Variants in PLEKHM3 observed in about 807,000 individuals in gnomAD.
PLEKHM3 encodes pleckstrin homology domain containing M3, also known as pleckstrin homology domain-containing family M member 3.
A neutral mutation model predicts 81.8 loss-of-function variants in PLEKHM3; 45 were observed. That is an observed-to-expected ratio of 0.55 (90% CI 0.43 to 0.71). The LOEUF (loss-of-function observed/expected upper bound fraction) is 0.71, where lower values mean the gene tolerates loss of function less well. Among genes scored for constraint, PLEKHM3 ranks in the 30% least tolerant of loss-of-function variants. The probability of loss-of-function intolerance (pLI) is 0.00; values close to 1 mark genes in which losing one functional copy is unlikely to be tolerated. For missense variants in PLEKHM3, 788 were observed against 924.3 expected (o/e 0.85, Z 1.91); for synonymous variants, 352 against 356.4 (o/e 0.99, Z 0.14).
intron 7 of PLEKHM3, among the ~76,000 whole-genome samples, chr2:207,833,004 T>C (rs7581917): frequency 0.66 from 100,082 of 150,614 alleles, 33,675 homozygotes; most frequent in African/African-American, 0.76. Context: ...CCCAGCTACC[T>C]GTGAGGCTAA....
intron 1 of PLEKHM3, among the ~76,000 whole-genome samples, chr2:208,024,431 G>A (rs910623402): frequency 6.6e-6 from 1 of 152,072 alleles, no homozygotes; most frequent in Non-Finnish European, 1.5e-5. Context: ...TATTGTAGGT[G>A]CAATTTAACC....
intron 7 of PLEKHM3, chr2:207,851,557 A>C (rs1031876047): frequency 2.0e-5 from 3 of 151,932 alleles, no homozygotes; most frequent in Non-Finnish European, 4.4e-5. Flanking sequence ...GGCCAACATG[A>C]TGAAACCCAG....
intron 6 of PLEKHM3, among the ~76,000 whole-genome samples, chr2:207,867,896 C>T (rs569897904): frequency 6.6e-6 from 1 of 152,064 alleles, no homozygotes; most frequent in Admixed American, 6.5e-5. Context: ...AAATATTAGA[C>T]CAAAGCCAGA....
intron 1 of PLEKHM3, among the ~76,000 whole-genome samples, chr2:208,017,387 C>T (rs544328339): frequency 4.6e-5 from 7 of 152,172 alleles, no homozygotes; most frequent in African/African-American, 9.6e-5. Context: ...GAGGGAGTGG[C>T]GACAGAGTTT....
intron 4 of PLEKHM3, among the ~76,000 whole-genome samples, chr2:207,943,141 T>C (rs905173862): frequency 4.6e-5 from 7 of 152,178 alleles, no homozygotes; most frequent in Non-Finnish European, 1.0e-4. Flanking sequence ...TTATAGTTCA[T>C]AACAATTTAT....
intron 6 of PLEKHM3, among the ~76,000 whole-genome samples, chr2:207,905,881 C>G (rs1487650055): frequency 6.6e-6 from 1 of 151,888 alleles, no homozygotes; most frequent in African/African-American, 2.4e-5. Context: ...ACCCCTGCCA[C>G]TGATTTAAGT....
chr2:207,862,227 T>A (rs1160856562), intron 6 of PLEKHM3, among the ~76,000 whole-genome samples: 1 of 152,262 alleles, frequency 6.6e-6, no homozygotes, highest in African/African-American at 2.4e-5. Context: ...AAATACATGC[T>A]GGTTTTGACA....
At chr2:207,988,309 C>G (rs761543847) in intron 2 of PLEKHM3, among the ~76,000 whole-genome samples, 4 of 152,200 alleles carry the variant, frequency 2.6e-5, no homozygotes, top group Non-Finnish European at 5.9e-5. Flanking sequence ...CTAGGTTCAA[C>G]TCCCAATTCT....
At chr2:207,975,526 T>G (rs1574460132) in intron 3 of PLEKHM3, among the ~76,000 whole-genome samples, 2 of 149,622 alleles carry the variant, frequency 1.3e-5, no homozygotes, top group East Asian at 4.0e-4. Flanking sequence ...GGAAGGAAAA[T>G]AATTTTATTT....
intron 1 of PLEKHM3, among the ~76,000 whole-genome samples, chr2:208,012,500 C>G (rs1279714324): frequency 6.6e-6 from 1 of 152,174 alleles, no homozygotes; most frequent in Non-Finnish European, 1.5e-5. Flanking sequence ...TTTAAATCAC[C>G]TTAAATCATA....
intron 3 of PLEKHM3, among the ~76,000 whole-genome samples, chr2:207,963,017 C>T (rs1009828209): frequency 6.6e-6 from 1 of 151,384 alleles, no homozygotes; most frequent in East Asian, 1.9e-4. Flanking sequence ...ACAGATGACT[C>T]CAACCTTGGA....
chr2:207,915,867 G>A (rs1459122565), intron 5 of PLEKHM3, among the ~76,000 whole-genome samples: 2 of 152,182 alleles, frequency 1.3e-5, no homozygotes, highest in African/African-American at 4.8e-5. Context: ...GAGATGGCCA[G>A]TGTCTTTCCT....
At chr2:207,900,283 G>A (rs1688376308) in intron 6 of PLEKHM3, 1 of 152,206 alleles carries the variant, frequency 6.6e-6, no homozygotes, top group Non-Finnish European at 1.5e-5. Context: ...TGTTCATGTG[G>A]TTGTTCTATG....
chr2:207,918,035 A>G (rs980308266), intron 5 of PLEKHM3, among the ~76,000 whole-genome samples: 1 of 152,184 alleles, frequency 6.6e-6, no homozygotes, highest in African/African-American at 2.4e-5. Flanking sequence ...CTCATTTAGT[A>G]TTAGATTGCT....
chr2:207,994,224 C>T (rs191194376), intron 2 of PLEKHM3, among the ~76,000 whole-genome samples: 16 of 152,236 alleles, frequency 1.1e-4, no homozygotes, highest in Non-Finnish European at 1.9e-4. Flanking sequence ...TATAAGTGTG[C>T]GTGTGTATAA....
In PLEKHM3 at chr2:207,823,236, T is replaced by C. The variant is rs908910523; in HGVS notation, c.*5083A>G. ...CAGTTGTCTCACTTGAGTTTAGCAA[T>C]GCTTTCCATCACACCAGCGGCCACT... On this transcript the variant is annotated 3_prime_UTR_variant, in exon 8 of 8. Transcript: ENST00000427836. 1 of 152,110 alleles carries C rather than the reference T, an allele frequency of 6.6e-6. No individual in the cohort carries two copies. The highest frequency in any genetic ancestry group is 2.4e-5 in the African/African-American group (1 of 41,414). The allele number at this position is 152,110 out of a possible 1,614,324, so 9.4% of individuals were successfully genotyped here.
intron 7 of PLEKHM3, among the ~76,000 whole-genome samples, chr2:207,857,849 T>C (rs1183032230): frequency 6.6e-6 from 1 of 151,664 alleles, no homozygotes; most frequent in African/African-American, 2.4e-5. Context: ...CTTTATTCTT[T>C]CCTTCCTTCT....
intron 5 of PLEKHM3, among the ~76,000 whole-genome samples, chr2:207,917,949 C>T (rs1395618700): frequency 2.0e-5 from 3 of 152,062 alleles, no homozygotes. Context: ...ATTAGATAAT[C>T]CTTCTACCTA....
At chr2:207,925,876 G>T (rs2621473) in intron 5 of PLEKHM3, among the ~76,000 whole-genome samples, 1 of 151,722 alleles carries the variant, frequency 6.6e-6, no homozygotes, top group Non-Finnish European at 1.5e-5. Context: ...TAGTTCTACA[G>T]GACTCTTCAT....
Sources: gnomAD v4.1 joint callset for allele counts (sites outside exome capture counted in the v4.1 genomes callset) on GRCh38, gnomAD v4.1.1 for gene constraint, MANE v1.5 for transcripts, NCBI Gene and HGNC (gene_info 2026-07-23, HGNC 2026-07-21) for gene names.